Variants in ILRUN observed in about 807,000 individuals in gnomAD.
ILRUN encodes the protein protein ILRUN.
A neutral mutation model predicts 33.8 loss-of-function variants in ILRUN; 3 were observed. The observed-to-expected ratio is 0.09, with a 90% CI of 0.04 to 0.23. The LOEUF (loss-of-function observed/expected upper bound fraction) is 0.23, where lower values mean the gene tolerates loss of function less well. Among genes scored for constraint, ILRUN ranks in the 10% least tolerant of loss-of-function variants. The pLI, the probability that ILRUN is intolerant of heterozygous loss-of-function variation, is 1.00. For missense variants in ILRUN, 210 were observed against 375.1 expected (o/e 0.56, Z 3.64); for synonymous variants, 124 against 138.9 (o/e 0.89, Z 0.75).
intron 4 of ILRUN, among the ~76,000 whole-genome samples, chr6:34,596,123 G>C (rs1212139549): frequency 6.6e-6 from 1 of 152,228 alleles, no homozygotes; most frequent in African/African-American, 2.4e-5. Context: ...ATAAAATTAA[G>C]TCTGTACTGG....
intron 1 of ILRUN, 140 bp downstream of exon 1, chr6:34,696,306 C>G: frequency 2.2e-6 from 2 of 897,326 alleles, no homozygotes; most frequent in Non-Finnish European, 3.3e-6. Context: ...CGGGGCTCCC[C>G]GACTCGTCCT....
intron 1 of ILRUN, among the ~76,000 whole-genome samples, chr6:34,678,471 C>T (rs1202313791): frequency 2.0e-5 from 3 of 152,140 alleles, no homozygotes; most frequent in Non-Finnish European, 4.4e-5. Flanking sequence ...AGAAAATGAG[C>T]ATAGTACTAT....
At chr6:34,635,560 G>A (rs1762346117) in intron 3 of ILRUN, among the ~76,000 whole-genome samples, 1 of 115,762 alleles carries the variant, frequency 8.6e-6, no homozygotes, top group Non-Finnish European at 1.7e-5. Flanking sequence ...AGGAAGGAAG[G>A]AAGGAAGGGA....
At chr6:34,668,298 A>G (rs897838711) in intron 1 of ILRUN, among the ~76,000 whole-genome samples, 1 of 152,214 alleles carries the variant, frequency 6.6e-6, no homozygotes, top group Admixed American at 6.5e-5. Flanking sequence ...AAATATGTCC[A>G]CATAGTCTCA....
At position 34,621,479 on chromosome 6, in the gene ILRUN, T is replaced by C. The variant is rs561062203; in HGVS notation, c.512-14575A>G. Among the ~76,000 whole-genome samples the C allele has an allele frequency of 2.6e-5, 4 of 152,318 alleles. No homozygotes were observed. In the East Asian group the frequency reaches 7.7e-4, roughly 29 times the overall value. ...TCAGGCTGTTACCACCTGAATCCTT[T>C]AATCTTAGCATCACTAAGGCTAAAA... is the stretch of plus-strand genomic sequence containing the variant. On this transcript the variant is annotated intron_variant, in intron 3 of 4. Transcript: ENST00000374023.
intron 1 of ILRUN, among the ~76,000 whole-genome samples, chr6:34,684,633 A>G (rs1024380010): frequency 1.2e-4 from 18 of 152,172 alleles, no homozygotes; most frequent in African/African-American, 4.3e-4. Context: ...TAAAAAAGGA[A>G]AGAGTGGAGT....
intron 2 of ILRUN, among the ~76,000 whole-genome samples, chr6:34,648,488 A>G (rs1345773095): frequency 6.6e-6 from 1 of 152,216 alleles, no homozygotes; most frequent in Non-Finnish European, 1.5e-5. Flanking sequence ...ACTATGTTTT[A>G]GCATACCTTC....
At position 34,696,463 on chromosome 6, in the gene ILRUN, G is replaced by A. The variant is rs796242038; in HGVS notation, c.141C>T (p.Phe47=). The A allele has an allele frequency of 4.4e-6, 7 of 1,592,150 alleles. No homozygotes were observed. The African/African-American group carries it at 8.0e-5, about 18-fold the overall frequency. ...FQLNPAGCAF[F]LDMTNWNLQA... is the part of the protein sequence containing the mutation. ...CGGCTCACCAGTTGGTCATGTCCAG[G>A]AAGAAGGCGCAACCGGCAGGATTGA... is the stretch of plus-strand genomic sequence containing the variant. Residue 47 remains phenylalanine, a synonymous_variant, in exon 1 of 5, where the codon TTC becomes TTT. Transcript: ENST00000374023.
intron 1 of ILRUN, among the ~76,000 whole-genome samples, chr6:34,675,109 T>C (rs928181635): frequency 5.9e-5 from 9 of 152,048 alleles, no homozygotes; most frequent in Admixed American, 6.6e-5. Flanking sequence ...GGTGAAACTC[T>C]GTCTCTACTA....
chr6:34,675,779 TGA>T (rs1763216294), intron 1 of ILRUN, among the ~76,000 whole-genome samples: 2 of 151,990 alleles, frequency 1.3e-5, no homozygotes, highest in Non-Finnish European at 2.9e-5. Flanking sequence ...AATGACAATC[TGA>T]GAGAGGTAGA....
At chr6:34,679,158 A>G (rs1261310997) in intron 1 of ILRUN, among the ~76,000 whole-genome samples, 1 of 151,974 alleles carries the variant, frequency 6.6e-6, no homozygotes, top group African/African-American at 2.4e-5. Context: ...GAAAAAAAAA[A>G]AAAAGAAATG....
chr6:34,683,475 CATATATATATACATATATATAT>C (rs1264835303), intron 1 of ILRUN, among the ~76,000 whole-genome samples: 14 of 79,874 alleles, frequency 1.8e-4, no homozygotes, highest in African/African-American at 8.7e-4. Context: ...TATATATACA[CATATATATATACATATATATAT>C]ACATATATAT....
intron 1 of ILRUN, among the ~76,000 whole-genome samples, chr6:34,689,231 G>A (rs562880443): frequency 1.3e-5 from 2 of 151,812 alleles, no homozygotes; most frequent in East Asian, 2.0e-4. Flanking sequence ...GTACTCAGGT[G>A]GCTGAGGTGG....
At chr6:34,624,503 G>GT (rs565693783) in intron 3 of ILRUN, among the ~76,000 whole-genome samples, 1,759 of 144,620 alleles carry the variant, frequency 0.012, 14 homozygotes, top group Non-Finnish European at 0.016. Context: ...TTGTTTTTTT[G>GT]TTTTTTTTTT....
At chr6:34,611,908 G>GGTTA (rs1222725181) in intron 3 of ILRUN, among the ~76,000 whole-genome samples, 2 of 152,118 alleles carry the variant, frequency 1.3e-5, no homozygotes, top group African/African-American at 4.8e-5. Flanking sequence ...CTAAAGCTAT[G>GGTTA]GTTAAGTCAG....
rs1289507613 is a variant in ILRUN, at chr6:34,614,435, A to AT, written c.512-7532_512-7531insA. 4.1e-4 allele frequency among the ~76,000 whole-genome samples: 50 copies of AT among 123,390 alleles called. 4 individuals are homozygous for AT. Among genetic ancestry groups the AT allele is most frequent in the African/African-American group, 1.4e-3 (36 of 26,108 alleles). 80.9% of individuals were successfully genotyped at this position (123,390 alleles called of 152,430 possible). Reference sequence around the variant, plus strand: ...AGACTCCATCTCAAAAAATAATAAAAAAAAAAAAATATATATATATAAAAT... The same window carrying AT: ...AGACTCCATCTCAAAAAATAATAAAATAAAAAAAAATATATATATATAAAAT... On this transcript the variant is annotated intron_variant, in intron 3 of 4. Coordinates refer to ENST00000374023, the MANE Select transcript of ILRUN (RefSeq NM_024294.4).
chr6:34,679,028 C>T (rs1028389137), intron 1 of ILRUN, among the ~76,000 whole-genome samples: 32 of 151,364 alleles, frequency 2.1e-4, no homozygotes, highest in African/African-American at 6.3e-4. Context: ...CGAAAAACTA[C>T]TTGTCAGGTA....
At chr6:34,655,487 C>T (rs981031462) in intron 1 of ILRUN, among the ~76,000 whole-genome samples, 7 of 152,072 alleles carry the variant, frequency 4.6e-5, no homozygotes, top group African/African-American at 1.2e-4. Flanking sequence ...ATATACAATG[C>T]CCTTTGCTTT....
intron 4 of ILRUN, among the ~76,000 whole-genome samples, chr6:34,591,463 A>C (rs933555455): frequency 1.3e-5 from 2 of 150,092 alleles, no homozygotes; most frequent in African/African-American, 4.9e-5. Flanking sequence ...CCACTGCACC[A>C]CTCCAGGCTG....
Sources: allele counts gnomAD v4.1 joint callset (sites outside exome capture counted in the v4.1 genomes callset), GRCh38; gene constraint gnomAD v4.1.1; transcripts MANE v1.5; gene names NCBI Gene and HGNC (gene_info 2026-07-23, HGNC 2026-07-21).